Variants in CASR observed in about 807,000 individuals in gnomAD.
CASR encodes extracellular calcium-sensing receptor.
Under a neutral mutation model 69.1 loss-of-function variants are expected in CASR, and 23 were observed. The observed-to-expected ratio is 0.33, with a 90% confidence interval of 0.24 to 0.47. CASR has a LOEUF of 0.47. Among genes scored for constraint, CASR ranks in the 20% least tolerant of loss-of-function variants. The probability of loss-of-function intolerance (pLI) is 1.00; values close to 1 mark genes in which losing one functional copy is unlikely to be tolerated. For synonymous variants in CASR, 541 were observed against 544.7 expected (o/e 0.99, Z 0.10); for missense variants, 924 against 1,356.1 (o/e 0.68, Z 5.00).
intron 3 of CASR, among the ~76,000 whole-genome samples, chr3:122,260,986 C>T (rs891017613): frequency 1.3e-5 from 2 of 152,010 alleles, no homozygotes; most frequent in Non-Finnish European, 2.9e-5. Flanking sequence ...AGGGAATTCC[C>T]GGGGACTCCT....
intron 1 of CASR, among the ~76,000 whole-genome samples, chr3:122,238,632 C>CAA (rs2074352386): frequency 1.3e-5 from 2 of 152,158 alleles, no homozygotes; most frequent in African/African-American, 4.8e-5. Context: ...TCTCCCAACC[C>CAA]CAGGTAACAC....
intron 4 of CASR, among the ~76,000 whole-genome samples, chr3:122,270,487 G>T (rs1576865882): frequency 6.6e-6 from 1 of 151,868 alleles, no homozygotes; most frequent in Non-Finnish European, 1.5e-5. Context: ...TATTTTTGTT[G>T]TCTGTTTCAT....
chr3:122,251,196 G>C (rs1559953621), intron 1 of CASR, among the ~76,000 whole-genome samples: 1 of 152,170 alleles, frequency 6.6e-6, no homozygotes, highest in Non-Finnish European at 1.5e-5. Flanking sequence ...AGGAGCAAGA[G>C]GCACCATATG....
chr3:122,262,804 G>A (rs370092032), intron 4 of CASR, among the ~76,000 whole-genome samples: 1 of 152,198 alleles, frequency 6.6e-6, no homozygotes, highest in East Asian at 1.9e-4. Flanking sequence ...ATACTAAGTG[G>A]CATAAAGCTA....
intron 1 of CASR, among the ~76,000 whole-genome samples, chr3:122,214,286 A>C (rs922659302): frequency 4.6e-5 from 7 of 150,636 alleles, no homozygotes; most frequent in African/African-American, 1.7e-4. Flanking sequence ...GGCATTCTTC[A>C]GAACTTCTTT....
intron 1 of CASR, among the ~76,000 whole-genome samples, chr3:122,191,784 T>TCA (rs2073842339): frequency 6.6e-6 from 1 of 152,190 alleles, no homozygotes; most frequent in Non-Finnish European, 1.5e-5. Context: ...CCAAAGGTTG[T>TCA]AATGGTTTTC....
At chr3:122,205,885 A>G (rs371258899) in intron 1 of CASR, among the ~76,000 whole-genome samples, 10 of 152,044 alleles carry the variant, frequency 6.6e-5, no homozygotes, top group African/African-American at 1.7e-4. Context: ...CTGGTGGTGT[A>G]TATAAATGTT....
chr3:122,221,239 T>C (rs894875369), intron 1 of CASR, among the ~76,000 whole-genome samples: 5 of 152,180 alleles, frequency 3.3e-5, no homozygotes, highest in South Asian at 4.1e-4. Flanking sequence ...TCAAGAACAC[T>C]TTGGGAAATG....
chr3:122,206,955 C>T (rs537201604), intron 1 of CASR, among the ~76,000 whole-genome samples: 28 of 151,980 alleles, frequency 1.8e-4, no homozygotes, highest in African/African-American at 5.3e-4. Context: ...GTTGGGGCTT[C>T]TCTTTTTTTC....
chr3:122,244,570 G>A (rs886648939), intron 1 of CASR, among the ~76,000 whole-genome samples: 2 of 152,136 alleles, frequency 1.3e-5, no homozygotes, highest in Non-Finnish European at 2.9e-5. Context: ...TCCCATCTTT[G>A]ATGGTAGAAG....
At chr3:122,206,779 C>T (rs1265284490) in intron 1 of CASR, among the ~76,000 whole-genome samples, 1 of 151,942 alleles carries the variant, frequency 6.6e-6, no homozygotes, top group Non-Finnish European at 1.5e-5. Context: ...TGAGGTTTTG[C>T]ATTTCCTCAT....
Position 122,290,652 on chromosome 3 carries a change from T to G in CASR, c.*5461T>G, listed in dbSNP as rs547534482. 1.3e-5 allele frequency: 2 copies of G among 152,204 alleles called. No homozygotes were observed. Among genetic ancestry groups the G allele is most frequent in the South Asian group, 4.2e-4 (2 of 4,818 alleles). The allele number at this position is 152,204 out of a possible 1,614,324, so 9.4% of individuals were successfully genotyped here. On this transcript the variant is annotated 3_prime_UTR_variant, in exon 7 of 7. Coordinates refer to ENST00000639785, the MANE Select transcript of CASR (RefSeq NM_000388.4). ...ATTTAAAATAAACATGCAACCAAATTTTAAACAGATAAGTATATCATATTA... is the reference window on the plus strand; with the variant it reads ...ATTTAAAATAAACATGCAACCAAATGTTAAACAGATAAGTATATCATATTA...
intron 1 of CASR, among the ~76,000 whole-genome samples, chr3:122,245,972 T>G (rs1449547684): frequency 6.6e-6 from 1 of 152,220 alleles, no homozygotes; most frequent in Non-Finnish European, 1.5e-5. Flanking sequence ...ATTACTTCCC[T>G]TTTCAGTAAG....
intron 1 of CASR, among the ~76,000 whole-genome samples, chr3:122,220,144 A>G (rs2074156301): frequency 6.6e-6 from 1 of 152,228 alleles, no homozygotes; most frequent in Non-Finnish European, 1.5e-5. Context: ...TTTTTTAAAA[A>G]GAGAGAAGAG....
intron 4 of CASR, among the ~76,000 whole-genome samples, chr3:122,271,507 G>A (rs913403048): frequency 6.6e-6 from 1 of 152,144 alleles, no homozygotes; most frequent in Non-Finnish European, 1.5e-5. Flanking sequence ...TTGTTATCAA[G>A]GATCCTGCCA....
intron 1 of CASR, among the ~76,000 whole-genome samples, chr3:122,221,600 C>T (rs894045085): frequency 5.9e-5 from 9 of 152,194 alleles, no homozygotes; most frequent in Non-Finnish European, 1.3e-4. Flanking sequence ...ATCTTTGGTT[C>T]CTAAAGGTGT....
chr3:122,202,276 G>C (rs2073963582), intron 1 of CASR, among the ~76,000 whole-genome samples: 1 of 152,264 alleles, frequency 6.6e-6, no homozygotes, highest in African/African-American at 2.4e-5. Flanking sequence ...AAACCAGTCA[G>C]GCGTGGTGGC....
chr3:122,246,895 A>G (rs749874822), intron 1 of CASR: 2 of 152,232 alleles, frequency 1.3e-5, no homozygotes, highest in South Asian at 2.1e-4. Context: ...CCTCAGGAGT[A>G]GCGGAGAACA....
chr3:122,259,362 A>G (rs1036510480), intron 3 of CASR, among the ~76,000 whole-genome samples: 2 of 152,172 alleles, frequency 1.3e-5, no homozygotes, highest in Non-Finnish European at 2.9e-5. Context: ...TGGGTCTGCT[A>G]ACAGAATTCT....
Sources: allele counts gnomAD v4.1 joint callset (sites outside exome capture counted in the v4.1 genomes callset), GRCh38; gene constraint gnomAD v4.1.1; transcripts MANE v1.5; gene names NCBI Gene and HGNC (gene_info 2026-07-23, HGNC 2026-07-21).